Variants in ZFHX3 observed in about 807,000 individuals in gnomAD.
The protein encoded by ZFHX3 is zinc finger homeobox protein 3.
A neutral mutation model predicts 279.1 loss-of-function variants in ZFHX3; 42 were observed. The ratio of observed to expected loss-of-function variants is 0.15; its 90% CI spans 0.12 to 0.19. The LOEUF (loss-of-function observed/expected upper bound fraction) is 0.19, where lower values mean the gene tolerates loss of function less well. Ranked by LOEUF, ZFHX3 falls within the 10% of genes least tolerant of loss-of-function variation. The probability of loss-of-function intolerance (pLI) is 1.00; values close to 1 mark genes in which losing one functional copy is unlikely to be tolerated. For synonymous variants in ZFHX3, 2,293 were observed against 1,957.8 expected, an observed-to-expected ratio of 1.17 and a Z score of -4.52; for missense variants, 4,981 against 4,754.0, an observed-to-expected ratio of 1.05 and a Z score of -1.40.
At chr16:72,922,843 C>G (rs778149872) in intron 3 of ZFHX3, among the ~76,000 whole-genome samples, 1 of 152,110 alleles carries the variant, frequency 6.6e-6, no homozygotes, top group African/African-American at 2.4e-5. Context: ...GTTACAGGGT[C>G]TGAGGCTGAT....
chr16:73,506,906 G>C (rs548262381), intron 2 of ZFHX3, among the ~76,000 whole-genome samples: 1 of 152,212 alleles, frequency 6.6e-6, no homozygotes, highest in African/African-American at 2.4e-5. Flanking sequence ...TGCATATTTT[G>C]TGTCTAGAAA....
intron 3 of ZFHX3, among the ~76,000 whole-genome samples, chr16:73,403,462 G>A (rs1013645754): frequency 8.5e-5 from 13 of 152,176 alleles, no homozygotes; most frequent in Admixed American, 4.6e-4. Flanking sequence ...GAGCGTCTGC[G>A]GGCCGGGTCT....
chr16:73,506,977 C>T (rs1241965488), intron 2 of ZFHX3, among the ~76,000 whole-genome samples: 5 of 152,162 alleles, frequency 3.3e-5, no homozygotes, highest in Non-Finnish European at 5.9e-5. Context: ...CAACCTGACC[C>T]TTCTCATCTG....
Position 72,788,031 on chromosome 16 carries a change from G to A in ZFHX3, c.10245C>T (p.Ala3415=). 2 of 1,613,150 alleles carry A rather than the reference G, an allele frequency of 1.2e-6. No individual in the cohort carries two copies. Among genetic ancestry groups the A allele is most frequent in the Non-Finnish European group, 1.7e-6 (2 of 1,179,964 alleles). Reference sequence around the variant, plus strand: ...GTTCTTCTGGTTTGGGGGATTCTTTGGCAGGGTCTTTGTCTGGGGAAGGAG... The same window carrying A: ...GTTCTTCTGGTTTGGGGGATTCTTTAGCAGGGTCTTTGTCTGGGGAAGGAG... ...PGAPSPDKDP[A]KESPKPEEQK... Residue 3415 remains alanine, a synonymous_variant, in exon 10 of 10, where the codon GCC becomes GCT. Transcript: ENST00000268489.
At chr16:73,715,141 C>T (rs543014186) in intron 1 of ZFHX3, among the ~76,000 whole-genome samples, 11 of 152,144 alleles carry the variant, frequency 7.2e-5, no homozygotes, top group Non-Finnish European at 1.2e-4. Flanking sequence ...TGATGGTTCT[C>T]GGCTAAAATT....
In ZFHX3 at chr16:73,791,503, C is replaced by T. The variant is rs538287245; in HGVS notation, c.-1608+100148G>A. On this transcript the variant is annotated intron_variant, in intron 1 of 17. Transcript: ENST00000641206. The stretch of plus-strand genomic sequence containing the variant: ...GCAGCGGCGCCATCTTGGCTCACTG[C>T]GACCTCCGTCTCCCAGGTTCAAGTG... Among the ~76,000 whole-genome samples the T allele has an allele frequency of 2.3e-3, 343 of 152,240 alleles. 1 individual carries two copies. Among genetic ancestry groups the T allele is most frequent in the Admixed American group, 4.1e-3 (63 of 15,288 alleles).
At chr16:73,757,372 A>G (rs571850284) in intron 1 of ZFHX3, among the ~76,000 whole-genome samples, 3 of 152,348 alleles carry the variant, frequency 2.0e-5, no homozygotes, top group Non-Finnish European at 4.4e-5. Context: ...CCTCCATAAG[A>G]AGGCCAAGCC....
At chr16:72,972,119 C>G (rs1962132424) in intron 1 of ZFHX3, among the ~76,000 whole-genome samples, 1 of 152,138 alleles carries the variant, frequency 6.6e-6, no homozygotes, top group African/African-American at 2.4e-5. Context: ...TCTTGAACTC[C>G]TGACCTCAGG....
intron 5 of ZFHX3, among the ~76,000 whole-genome samples, chr16:73,213,558 C>T (rs1376581776): frequency 6.6e-6 from 1 of 152,162 alleles, no homozygotes; most frequent in Non-Finnish European, 1.5e-5. Flanking sequence ...CCTTTACCTA[C>T]ATCTCATGTA....
intron 4 of ZFHX3, among the ~76,000 whole-genome samples, chr16:72,889,148 G>A (rs753492388): frequency 1.3e-5 from 2 of 152,050 alleles, no homozygotes; most frequent in Admixed American, 6.6e-5. Context: ...AGCAGGTCTC[G>A]ACGCATTGAA....
intron 4 of ZFHX3, among the ~76,000 whole-genome samples, chr16:72,837,892 A>G (rs2037238126): frequency 6.7e-6 from 1 of 150,116 alleles, no homozygotes; most frequent in African/African-American, 2.5e-5. Context: ...GTGATCCACT[A>G]TGCCTGGACC....
chr16:73,870,503 C>A (rs1240209861), intron 1 of ZFHX3, among the ~76,000 whole-genome samples: 1 of 152,172 alleles, frequency 6.6e-6, no homozygotes, highest in African/African-American at 2.4e-5. Flanking sequence ...ACGCTCAAAA[C>A]AAATCCCCCT....
At position 72,959,517 on chromosome 16, in the gene ZFHX3, C is replaced by A. The variant is rs760048604; in HGVS notation, c.629G>T (p.Gly210Val). The A allele has an allele frequency of 1.2e-6, 2 of 1,614,234 alleles. No homozygotes were observed. Among genetic ancestry groups the A allele is most frequent in the Non-Finnish European group, 1.7e-6 (2 of 1,180,036 alleles). Residue 210 changes from glycine to valine, a missense_variant, in exon 2 of 10, where the codon GGC (glycine) becomes GTC (valine). Gly to Val is a moderately radical substitution (Grantham distance 109). Around this residue, in one of 7 missense-constraint regions of ZFHX3, gnomAD observed 1,068 missense variants for 935.2 expected, o/e 1.14. Transcript: ENST00000268489. ...IASSFGKWFEGPDQAFPNTSA... is the reference protein window; with the variant it reads ...IASSFGKWFEVPDQAFPNTSA... ...GGTATTCGGGAAAGCCTGGTCTGGG[C>A]CCTCAAACCATTTCCCGAAGGATGA...
chr16:73,813,101 T>A (rs1057178167), intron 1 of ZFHX3, among the ~76,000 whole-genome samples: 1 of 152,190 alleles, frequency 6.6e-6, no homozygotes, highest in African/African-American at 2.4e-5. Flanking sequence ...TCCTTCTGGT[T>A]CTGCAAATAT....
At position 73,699,702 on chromosome 16, in the gene ZFHX3, G is replaced by A. The variant is rs911470130; in HGVS notation, c.-1607-19462C>T. On this transcript the variant is annotated intron_variant, in intron 1 of 17. Coordinates refer to the ZFHX3 transcript ENST00000641206. ...CACTGTTATTATTCCTATTTTCACAGATGAGAAACAGTTAAATCACTTGTT... is the reference window on the plus strand; with the variant it reads ...CACTGTTATTATTCCTATTTTCACAAATGAGAAACAGTTAAATCACTTGTT... Among the ~76,000 whole-genome samples, 3 of 152,118 alleles carry A rather than the reference G, an allele frequency of 2.0e-5. No homozygotes were observed. The East Asian group carries it at 5.8e-4, about 29-fold the overall frequency.
intron 2 of ZFHX3, among the ~76,000 whole-genome samples, chr16:73,669,596 T>C (rs2052881568): frequency 1.3e-5 from 2 of 152,260 alleles, no homozygotes; most frequent in South Asian, 4.1e-4. Flanking sequence ...GAACTATTTC[T>C]GTGAATTAAA....
intron 5 of ZFHX3, among the ~76,000 whole-genome samples, chr16:73,247,413 G>A (rs1295319849): frequency 6.6e-6 from 1 of 152,026 alleles, no homozygotes; most frequent in Non-Finnish European, 1.5e-5. Context: ...TGTATATAAT[G>A]TGTCTGTATG....
chr16:73,303,963 GAAAAAAAAAAAAA>G (rs201865011), intron 4 of ZFHX3, among the ~76,000 whole-genome samples: 12,583 of 76,214 alleles, frequency 0.17, 772 homozygotes, highest in East Asian at 0.37. Flanking sequence ...ACCCTAGGTG[GAAAAAAAAAAAAA>G]AAAAAAAAAA....
intron 1 of ZFHX3, among the ~76,000 whole-genome samples, chr16:73,778,798 A>G (rs1165200576): frequency 6.6e-6 from 1 of 152,324 alleles, no homozygotes; most frequent in African/African-American, 2.4e-5. Context: ...AACACCAGAA[A>G]TCATATCAAT....
Sources: allele counts gnomAD v4.1 joint callset (sites outside exome capture counted in the v4.1 genomes callset), GRCh38; gene constraint gnomAD v4.1.1; regional missense constraint gnomAD v4.1.1; transcripts MANE v1.5; gene names NCBI Gene and HGNC (gene_info 2026-07-23, HGNC 2026-07-21).